Variants in TANC1 observed in about 807,000 individuals in gnomAD.
The protein encoded by TANC1 is protein TANC1.
In TANC1, 77 loss-of-function variants were observed where a neutral mutation model predicts 149.7. The ratio of observed to expected loss-of-function variants is 0.51; its 90% CI spans 0.43 to 0.62. TANC1 has a LOEUF of 0.62. TANC1 is among the 20% of genes least tolerant of loss of function. TANC1 has a pLI of 0.00. For missense variants in TANC1, 1,985 were observed against 2,321.8 expected, an observed-to-expected ratio of 0.85 and a Z score of 2.98; for synonymous variants, 854 against 925.0, an observed-to-expected ratio of 0.92 and a Z score of 1.39.
chr2:158,991,002 G>A (rs946593824), intron 1 of TANC1, among the ~76,000 whole-genome samples: 5 of 150,394 alleles, frequency 3.3e-5, no homozygotes, highest in Admixed American at 6.6e-5. Context: ...GAGCCTGGGA[G>A]GATTGCTTGA....
intron 7 of TANC1, among the ~76,000 whole-genome samples, chr2:159,151,765 G>A (rs1045346460): frequency 5.3e-5 from 8 of 152,072 alleles, no homozygotes; most frequent in Non-Finnish European, 7.4e-5. Flanking sequence ...TAAGGAAGGC[G>A]GCTTCTTGCC....
chr2:159,185,957 T>C (rs1310630407), intron 15 of TANC1, 58 bp downstream of exon 15: 10 of 1,371,624 alleles, frequency 7.3e-6, no homozygotes, highest in South Asian at 1.2e-5. Flanking sequence ...AGGTTTTGCT[T>C]TGGAGATTTT....
intron 18 of TANC1, among the ~76,000 whole-genome samples, 200 bp from the exon 19 acceptor site, chr2:159,198,775 A>T (rs1559444176): frequency 1.3e-5 from 2 of 151,474 alleles, no homozygotes; most frequent in South Asian, 4.2e-4. Context: ...ATTCACTGAG[A>T]TTTTTTTTTA....
intron 2 of TANC1, among the ~76,000 whole-genome samples, chr2:159,029,019 G>A (rs958203308): frequency 3.9e-5 from 6 of 152,292 alleles, no homozygotes; most frequent in African/African-American, 1.2e-4. Context: ...GACTCCCAAA[G>A]TGTTGGGATT....
Position 159,229,988 on chromosome 2 carries a change from C to A in TANC1, c.4562C>A (p.Pro1521Gln). Residue 1521 changes from proline (P) to glutamine (Q), a missense_variant, in exon 27 of 27, where the codon CCA (proline) becomes CAA (glutamine). Physicochemically the swap from Pro to Gln is moderately conservative, Grantham distance 76 (BLOSUM62 -1). Around this residue, in one of 3 missense-constraint regions of TANC1, gnomAD observed 920 missense variants for 994.7 expected, o/e 0.92. Transcript: ENST00000263635. ...GKSLREPVAQ[P>Q]GLLLQPSKQA... ...TCCCTGAGAGAGCCTGTGGCCCAGC[C>A]AGGGCTGCTCCTGCAGCCCTCCAAG... is the stretch of plus-strand genomic sequence containing the variant. 6.2e-7 allele frequency: 1 copy of A among 1,614,084 alleles called. No homozygotes were observed. Among genetic ancestry groups the A allele is most frequent in the Non-Finnish European group, 8.5e-7 (1 of 1,180,036 alleles).
At chr2:158,985,624 T>C (rs2034907816) in intron 1 of TANC1, among the ~76,000 whole-genome samples, 1 of 152,188 alleles carries the variant, frequency 6.6e-6, no homozygotes, top group Admixed American at 6.5e-5. Flanking sequence ...TTGCCAGCTC[T>C]GGTTGACTGG....
intron 5 of TANC1, among the ~76,000 whole-genome samples, chr2:159,141,800 A>G (rs2051402332): frequency 2.0e-5 from 3 of 152,194 alleles, no homozygotes; most frequent in Admixed American, 2.0e-4. Context: ...CTAAGGTGCA[A>G]GGAGCACCAG....
chr2:159,062,069 C>A (rs2042274945), intron 2 of TANC1, among the ~76,000 whole-genome samples: 1 of 152,082 alleles, frequency 6.6e-6, no homozygotes, highest in Non-Finnish European at 1.5e-5. Context: ...GAAACCCCGT[C>A]TCTACTAAAA....
intron 2 of TANC1, among the ~76,000 whole-genome samples, chr2:159,048,357 C>T (rs1035411448): frequency 6.6e-6 from 1 of 152,142 alleles, no homozygotes; most frequent in Non-Finnish European, 1.5e-5. Flanking sequence ...TTGTCTGTGG[C>T]TTCGTCTGGA....
chr2:159,185,898 A>G lies in TANC1; in HGVS notation c.2618A>G (p.Lys873Arg). 6.2e-7 allele frequency: 1 copy of G among 1,609,096 alleles called. No homozygotes were observed. Among genetic ancestry groups the G allele is most frequent in the Non-Finnish European group, 8.5e-7 (1 of 1,175,438 alleles). ...CACATCCTGAAGGCGCACATTTTCA[A>G]GGTGAGATGCACACCAACTTGGGGA... ...GHHILKAHIF[K>R]GLSKKTGISS... Residue 873 changes from lysine to arginine, a missense_variant and splice_region_variant, in exon 15 of 27, where the codon AAG becomes AGG. Coordinates refer to ENST00000263635, the MANE Select transcript of TANC1 (RefSeq NM_033394.3).
chr2:159,192,602 A>G (rs1420143975), intron 16 of TANC1, among the ~76,000 whole-genome samples: 1 of 152,176 alleles, frequency 6.6e-6, no homozygotes, highest in Non-Finnish European at 1.5e-5. Flanking sequence ...ATCAGAAATC[A>G]GGGGGTGGGG....
intron 2 of TANC1, among the ~76,000 whole-genome samples, chr2:159,046,921 G>A (rs1363503340): frequency 6.6e-6 from 1 of 151,866 alleles, no homozygotes; most frequent in Non-Finnish European, 1.5e-5. Context: ...CACCATACTC[G>A]ACTGCTTTGT....
At chr2:159,107,999 C>A (rs1308714838) in intron 4 of TANC1, among the ~76,000 whole-genome samples, 1 of 152,224 alleles carries the variant, frequency 6.6e-6, no homozygotes, top group Non-Finnish European at 1.5e-5. Context: ...AGAATCCAAT[C>A]ACTTTCTTTA....
intron 4 of TANC1, among the ~76,000 whole-genome samples, chr2:159,131,767 G>T (rs1018188502): frequency 6.6e-6 from 1 of 152,202 alleles, no homozygotes; most frequent in African/African-American, 2.4e-5. Flanking sequence ...GATTGTGGGG[G>T]ACAATAAAAC....
intron 4 of TANC1, among the ~76,000 whole-genome samples, chr2:159,108,912 G>A (rs557779016): frequency 2.0e-5 from 3 of 152,306 alleles, no homozygotes; most frequent in African/African-American, 4.8e-5. Flanking sequence ...CTTGCCTGGG[G>A]TGGGGCCTAT....
Position 159,230,100 on chromosome 2 carries a change from T to C in TANC1, c.4674T>C (p.Ser1558=). 6.2e-7 allele frequency: 1 copy of C among 1,613,968 alleles called. No individual in the cohort carries two copies. The highest frequency in any genetic ancestry group is 1.1e-5 in the South Asian group (1 of 91,092). ...RNGSMKVQIS[S]QNPPPSPMPG... ...GCAGTATGAAAGTTCAGATCTCTTC[T>C]CAGAACCCTCCTCCAAGTCCCATGC... Residue 1558 remains serine (S), a synonymous_variant, in exon 27 of 27, where the codon TCT becomes TCC. Coordinates refer to ENST00000263635, the MANE Select transcript of TANC1 (RefSeq NM_033394.3). The surrounding 1 kb of genome is among the most constrained non-coding windows in gnomAD (Gnocchi z 4.4).
intron 5 of TANC1, among the ~76,000 whole-genome samples, chr2:159,141,048 C>T (rs1239838131): frequency 2.0e-5 from 3 of 152,142 alleles, no homozygotes; most frequent in Non-Finnish European, 2.9e-5. Context: ...TTAAGATTTA[C>T]CTGTTGTCTT....
intron 19 of TANC1, among the ~76,000 whole-genome samples, chr2:159,210,071 G>A (rs760978268): frequency 6.6e-6 from 1 of 152,154 alleles, no homozygotes; most frequent in Admixed American, 6.5e-5. Flanking sequence ...CCTGCCCGCA[G>A]TGCCCTCTCA....
At chr2:158,986,319 A>G (rs1414912601) in intron 1 of TANC1, among the ~76,000 whole-genome samples, 4 of 152,308 alleles carry the variant, frequency 2.6e-5, no homozygotes, top group Admixed American at 2.6e-4. Flanking sequence ...GAACAATACT[A>G]TAACAGCACT....
Sources: gnomAD v4.1 joint callset for allele counts (sites outside exome capture counted in the v4.1 genomes callset) on GRCh38, gnomAD v4.1.1 for gene constraint, gnomAD v4.1.1 regional missense constraint, Gnocchi (gnomAD v3.1) non-coding constraint, MANE v1.5 for transcripts, NCBI Gene and HGNC (gene_info 2026-07-23, HGNC 2026-07-21) for gene names.